Variants in PTPN14 observed in about 807,000 individuals in gnomAD.
PTPN14 encodes tyrosine-protein phosphatase non-receptor type 14.
In PTPN14, 53 loss-of-function variants were observed where a neutral mutation model predicts 126.8. That is an observed-to-expected ratio of 0.42 (90% CI 0.34 to 0.53). The LOEUF is 0.53. Ranked by LOEUF, PTPN14 falls within the 20% of genes least tolerant of loss-of-function variation. PTPN14 has a pLI of 0.08. For missense variants in PTPN14, 1,257 were observed against 1,552.9 expected (o/e 0.81, Z 3.20); for synonymous variants, 630 against 599.3 (o/e 1.05, Z -0.75).
intron 3 of PTPN14, among the ~76,000 whole-genome samples, chr1:214,445,988 C>A (rs1660134305): frequency 6.6e-6 from 1 of 152,150 alleles, no homozygotes; most frequent in Non-Finnish European, 1.5e-5. Context: ...AGTCCCTTTG[C>A]TGGACAGAAA....
intron 1 of PTPN14, among the ~76,000 whole-genome samples, chr1:214,544,077 G>A (rs1013266614): frequency 9.2e-5 from 14 of 152,160 alleles, no homozygotes; most frequent in African/African-American, 2.9e-4. Context: ...AGGTAAACAA[G>A]CATAATATGG....
At chr1:214,392,714 C>A (rs2102551634) in intron 10 of PTPN14, among the ~76,000 whole-genome samples, 1 of 152,252 alleles carries the variant, frequency 6.6e-6, no homozygotes, top group African/African-American at 2.4e-5. Flanking sequence ...ATTTGCAAAC[C>A]AAGCAGGTAG....
intron 3 of PTPN14, among the ~76,000 whole-genome samples, chr1:214,451,431 G>A (rs1660270883): frequency 6.6e-6 from 1 of 152,112 alleles, no homozygotes; most frequent in South Asian, 2.1e-4. Flanking sequence ...GCTTCCCAAA[G>A]TGTTGATATT....
rs779536759 is a variant in PTPN14, at chr1:214,369,624, T to A, written c.3104A>T (p.Tyr1035Phe). Residue 1035 changes from tyrosine to phenylalanine, a missense_variant, in exon 17 of 19, where the codon TAT becomes TTT. Around this residue, in one of 3 missense-constraint regions of PTPN14, gnomAD observed 171 missense variants for 229.8 expected, o/e 0.74. Coordinates refer to ENST00000366956, the MANE Select transcript of PTPN14 (RefSeq NM_005401.5). The part of the protein sequence containing the change: ...KLGSKHSSAT[Y>F]GKFKVTTKFR... ...CTTCGTGGTGACCTTGAACTTGCCA[T>A]AGGTGGCTGAGCTGTGCTTTGAACC... 1 of 1,614,190 alleles carries A rather than the reference T, an allele frequency of 6.2e-7. No individual in the cohort carries two copies. Among genetic ancestry groups the A allele is most frequent in the Non-Finnish European group, 8.5e-7 (1 of 1,180,038 alleles).
rs1324868342 is a variant in PTPN14, at chr1:214,465,951, C to CTTTCTTTTTTTTTTTT, written c.-154-995_-154-994insAAAAAAAAAAAAGAAA. On this transcript the variant is annotated intron_variant, in intron 1 of 18. Transcript: ENST00000366956. Reference sequence around the variant, plus strand: ...TGCATTTAATATAATCAGTTACTTCCTTTTTTTTTTTTTTTTTTTTGTGAA... The same window carrying CTTTCTTTTTTTTTTTT: ...TGCATTTAATATAATCAGTTACTTCCTTTCTTTTTTTTTTTTTTTTTTTTTTTTTTTTTTTTGTGAA... 8.5e-5 allele frequency among the ~76,000 whole-genome samples: 5 copies of CTTTCTTTTTTTTTTTT among 59,024 alleles called. 1 individual carries two copies. The highest frequency in any genetic ancestry group is 2.8e-4 in the African/African-American group (4 of 14,440). The allele number at this position is 59,024 out of a possible 152,430, so 38.7% of individuals were successfully genotyped here. A position where few individuals can be genotyped will look rare whatever the true frequency, so the allele number is the denominator to read the frequency against.
intron 1 of PTPN14, among the ~76,000 whole-genome samples, chr1:214,516,335 A>C (rs974470195): frequency 1.3e-5 from 2 of 152,232 alleles, no homozygotes; most frequent in Admixed American, 6.5e-5. Flanking sequence ...AAGGTACCAT[A>C]TATGAATTGA....
At chr1:214,367,849 G>A (rs1658118129) in intron 17 of PTPN14, among the ~76,000 whole-genome samples, 1 of 152,248 alleles carries the variant, frequency 6.6e-6, no homozygotes, top group African/African-American at 2.4e-5. Flanking sequence ...CGTCGGAAGT[G>A]AAGACTGAAC....
chr1:214,424,026 G>A (rs1043550271), intron 3 of PTPN14, among the ~76,000 whole-genome samples: 2 of 144,160 alleles, frequency 1.4e-5, no homozygotes, highest in African/African-American at 2.6e-5. Flanking sequence ...GGCCGGGCAC[G>A]GTGGCTCATG....
chr1:214,488,646 G>A (rs7536387), intron 1 of PTPN14, among the ~76,000 whole-genome samples: 95,258 of 152,120 alleles, frequency 0.63, 30,147 homozygotes, highest in Middle Eastern at 0.72. Flanking sequence ...ACTGAAAGGC[G>A]TCAGACACTG....
chr1:214,501,396 C>T (rs1164056338), intron 1 of PTPN14, among the ~76,000 whole-genome samples: 2 of 152,108 alleles, frequency 1.3e-5, no homozygotes, highest in Non-Finnish European at 2.9e-5. Flanking sequence ...CCCACCACCA[C>T]ACCCTGCTAA....
chr1:214,369,779 C>T (rs944800241), intron 16 of PTPN14, 88 bp from the exon 17 acceptor site: 1 of 1,195,804 alleles, frequency 8.4e-7, no homozygotes, highest in African/African-American at 1.5e-5. Flanking sequence ...GAAGAAAATG[C>T]AAATAGCTTC....
chr1:214,423,288 C>T (rs1189278924), intron 3 of PTPN14, among the ~76,000 whole-genome samples: 3 of 152,106 alleles, frequency 2.0e-5, no homozygotes, highest in African/African-American at 7.2e-5. Flanking sequence ...GATTGGACCA[C>T]TGCATTCCAA....
chr1:214,486,468 A>C (rs532173586), intron 1 of PTPN14, among the ~76,000 whole-genome samples: 22 of 152,222 alleles, frequency 1.4e-4, no homozygotes, highest in Non-Finnish European at 2.8e-4. Flanking sequence ...ACAGCAAAGT[A>C]AGTCTCTCCC....
At chr1:214,512,659 T>C (rs940973433) in intron 1 of PTPN14, among the ~76,000 whole-genome samples, 2 of 152,194 alleles carry the variant, frequency 1.3e-5, no homozygotes, top group African/African-American at 4.8e-5. Flanking sequence ...AAATTTTATG[T>C]GTTTTTCACT....
At chr1:214,514,299 G>T (rs1655047878) in intron 1 of PTPN14, among the ~76,000 whole-genome samples, 3 of 152,112 alleles carry the variant, frequency 2.0e-5, no homozygotes, top group Admixed American at 2.0e-4. Flanking sequence ...GCTCTACAAA[G>T]ATATCATGAA....
intron 1 of PTPN14, among the ~76,000 whole-genome samples, chr1:214,480,466 C>T (rs1660960612): frequency 6.6e-6 from 1 of 152,096 alleles, no homozygotes; most frequent in African/African-American, 2.4e-5. Flanking sequence ...AATATTGATC[C>T]CAAAAGGGAT....
At chr1:214,371,809 T>C (rs1658225335) in intron 16 of PTPN14, among the ~76,000 whole-genome samples, 1 of 152,176 alleles carries the variant, frequency 6.6e-6, no homozygotes, top group African/African-American at 2.4e-5. Context: ...CTTTCATTAT[T>C]TTCTTCTAAT....
chr1:214,451,778 T>A (rs1347987325), intron 3 of PTPN14, 27 bp downstream of exon 3: 1 of 1,610,008 alleles, frequency 6.2e-7, no homozygotes. Flanking sequence ...CACCCTTATA[T>A]GGCACACAGG....
At chr1:214,510,913 T>C (rs1654956927) in intron 1 of PTPN14, among the ~76,000 whole-genome samples, 1 of 152,156 alleles carries the variant, frequency 6.6e-6, no homozygotes, top group African/African-American at 2.4e-5. Context: ...GGTCTTGCTC[T>C]GTCACCTAGG....
Sources: gnomAD v4.1 joint callset for allele counts (sites outside exome capture counted in the v4.1 genomes callset) on GRCh38, gnomAD v4.1.1 for gene constraint, gnomAD v4.1.1 regional missense constraint, MANE v1.5 for transcripts, NCBI Gene and HGNC (gene_info 2026-07-23, HGNC 2026-07-21) for gene names.